Variants in DTNA observed in about 807,000 individuals in gnomAD.
The protein encoded by DTNA is dystrophin-related protein 3.
A neutral mutation model predicts 100.7 loss-of-function variants in DTNA; 43 were observed. The ratio of observed to expected loss-of-function variants is 0.43; its 90% confidence interval spans 0.33 to 0.55. The LOEUF (loss-of-function observed/expected upper bound fraction) is 0.55, where lower values mean the gene tolerates loss of function less well. Ranked by LOEUF, DTNA falls within the 20% of genes least tolerant of loss-of-function variation. The pLI is 0.04. For missense variants in DTNA, 798 were observed against 953.9 expected (o/e 0.84, Z 2.15); for synonymous variants, 349 against 347.9 (o/e 1.00, Z -0.04).
chr18:34,803,240 A>T (rs184302922), intron 4 of DTNA, among the ~76,000 whole-genome samples: 4 of 152,200 alleles, frequency 2.6e-5, no homozygotes, highest in South Asian at 2.1e-4. Context: ...TTCACCCTTG[A>T]GTTCCTGTAA....
At chr18:34,494,738 C>T (rs2038995162) in intron 1 of DTNA, among the ~76,000 whole-genome samples, 1 of 152,044 alleles carries the variant, frequency 6.6e-6, no homozygotes, top group Non-Finnish European at 1.5e-5. Flanking sequence ...TACATTTATT[C>T]TTATTCTAAA....
chr18:34,518,463 G>A (rs1307770713), intron 1 of DTNA, among the ~76,000 whole-genome samples: 1 of 151,736 alleles, frequency 6.6e-6, no homozygotes. Context: ...TATTTTAATG[G>A]TTTGCAGTTT....
At chr18:34,610,020 C>A (rs1018073125) in intron 1 of DTNA, among the ~76,000 whole-genome samples, 3 of 150,336 alleles carry the variant, frequency 2.0e-5, no homozygotes, top group Non-Finnish European at 4.4e-5. Flanking sequence ...TTGCCGAGAT[C>A]TATATATATA....
chr18:34,500,244 T>C (rs1347754710), intron 1 of DTNA, among the ~76,000 whole-genome samples: 1 of 152,094 alleles, frequency 6.6e-6, no homozygotes, highest in African/African-American at 2.4e-5. Flanking sequence ...ATCTGTAGGT[T>C]TTGGGATTAA....
At chr18:34,511,543 A>T (rs1015982860) in intron 1 of DTNA, among the ~76,000 whole-genome samples, 1 of 152,084 alleles carries the variant, frequency 6.6e-6, no homozygotes, top group African/African-American at 2.4e-5. Flanking sequence ...AAATGGGGCC[A>T]GCATAGCTCC....
At chr18:34,866,940 T>C in intron 17 of DTNA, 2 of 1,163,844 alleles carry the variant, frequency 1.7e-6, no homozygotes, top group Non-Finnish European at 2.1e-6. Context: ...TGTCTGAACC[T>C]GTGGTCAGGC....
chr18:34,806,456 T>C, intron 5 of DTNA, 152 bp downstream of exon 5: 1 of 721,734 alleles, frequency 1.4e-6, no homozygotes, highest in South Asian at 1.6e-5. Flanking sequence ...GTTTGGATTT[T>C]GTCATAGCGA....
chr18:34,833,163 A>G (rs2096058095), intron 11 of DTNA, among the ~76,000 whole-genome samples: 1 of 152,214 alleles, frequency 6.6e-6, no homozygotes, highest in Non-Finnish European at 1.5e-5. Flanking sequence ...AGAAAAAATA[A>G]TCTTTGTCAA....
chr18:34,794,123 T>A lies in DTNA; in HGVS notation c.235T>A (p.Ser79Thr), dbSNP rs2094868264. 5 of 1,614,038 alleles carry A rather than the reference T, an allele frequency of 3.1e-6. No homozygotes were observed. In the South Asian group the frequency reaches 3.3e-5, roughly 11 times the overall value. Residue 79 changes from serine (S) to threonine (T), a missense_variant, in exon 4 of 23, where the codon TCC becomes ACC. Ser to Thr is a moderately conservative substitution (Grantham distance 58). Coordinates refer to ENST00000444659, the MANE Select transcript of DTNA (RefSeq NM_001386795.1). ...NLDPNTELNV[S>T]RLEAVLSTIF... is the part of the protein sequence containing the mutation. ...GGACCCAAACACTGAACTCAACGTG[T>A]CCCGCTTAGAGGCTGTGCTCTCCAC...
intron 1 of DTNA, among the ~76,000 whole-genome samples, chr18:34,651,969 G>A (rs953987741): frequency 6.6e-6 from 1 of 152,018 alleles, no homozygotes; most frequent in African/African-American, 2.4e-5. Flanking sequence ...AGGAGGCTGA[G>A]GTGACAGGAT....
intron 1 of DTNA, among the ~76,000 whole-genome samples, chr18:34,548,026 G>A (rs1283196965): frequency 1.3e-5 from 2 of 152,118 alleles, no homozygotes; most frequent in Non-Finnish European, 2.9e-5. Flanking sequence ...ATAGCTAAAT[G>A]TTAACGATTG....
intron 3 of DTNA, among the ~76,000 whole-genome samples, chr18:34,772,817 A>G (rs956546870): frequency 1.8e-4 from 28 of 152,240 alleles, no homozygotes; most frequent in Admixed American, 1.8e-3. Context: ...TTTTCGGCTT[A>G]GCTTTACACT....
intron 11 of DTNA, among the ~76,000 whole-genome samples, chr18:34,833,404 CTGTGTGTGTG>C (rs58409064): frequency 5.5e-5 from 8 of 144,900 alleles, no homozygotes; most frequent in African/African-American, 1.0e-4. Flanking sequence ...CATTGTGTCA[CTGTGTGTGTG>C]TGTGTGTGTG....
At chr18:34,738,625 C>T (rs979805128) in intron 1 of DTNA, among the ~76,000 whole-genome samples, 1 of 152,136 alleles carries the variant, frequency 6.6e-6, no homozygotes, top group African/African-American at 2.4e-5. Flanking sequence ...TCTCTTTATC[C>T]TCTTCTTCTA....
chr18:34,890,053 C>A lies in DTNA; in HGVS notation c.*2319C>A. ...TCTTGAACTCAGAACTTAAATCCTG[C>A]ACGTGGCACTCCACCACTGACTGGA... is the stretch of plus-strand genomic sequence containing the variant. On this transcript the variant is annotated 3_prime_UTR_variant, in exon 23 of 23. Coordinates refer to ENST00000444659, the MANE Select transcript of DTNA (RefSeq NM_001386795.1). 1 of 1,323,748 alleles carries A rather than the reference C, an allele frequency of 7.6e-7. No individual in the cohort carries two copies. Among genetic ancestry groups the A allele is most frequent in the East Asian group, 2.9e-5 (1 of 33,998 alleles). 82.0% of individuals were successfully genotyped at this position (1,323,748 alleles called of 1,614,324 possible).
chr18:34,854,826 G>C (rs1316662622), intron 15 of DTNA, among the ~76,000 whole-genome samples: 1 of 152,108 alleles, frequency 6.6e-6, no homozygotes, highest in East Asian at 1.9e-4. Flanking sequence ...TTGTTTTGAG[G>C]GGTTGAAGTG....
intron 1 of DTNA, among the ~76,000 whole-genome samples, chr18:34,642,177 C>T (rs1599477887): frequency 1.3e-5 from 2 of 152,170 alleles, no homozygotes; most frequent in East Asian, 3.9e-4. Context: ...GCCACTGAGG[C>T]ATTCTGGGAA....
intron 1 of DTNA, among the ~76,000 whole-genome samples, chr18:34,519,115 G>A (rs1292867054): frequency 6.6e-6 from 1 of 152,102 alleles, no homozygotes; most frequent in Non-Finnish European, 1.5e-5. Flanking sequence ...ATAAAACAAG[G>A]AACAGGTTTG....
chr18:34,675,017 C>A (rs1377005817), intron 1 of DTNA, among the ~76,000 whole-genome samples: 1 of 152,066 alleles, frequency 6.6e-6, no homozygotes, highest in African/African-American at 2.4e-5. Flanking sequence ...GTTAGACTTA[C>A]CTTGTTCAAC....
Sources: allele counts gnomAD v4.1 joint callset (sites outside exome capture counted in the v4.1 genomes callset), GRCh38; gene constraint gnomAD v4.1.1; transcripts MANE v1.5; gene names NCBI Gene and HGNC (gene_info 2026-07-23, HGNC 2026-07-21).